ZZZ3: variants seen among roughly 807,000 people sequenced by gnomAD.
The protein encoded by ZZZ3 is zinc finger ZZ-type containing 3.
A neutral mutation model predicts 95.2 loss-of-function variants in ZZZ3; 22 were observed. The ratio of observed to expected loss-of-function variants is 0.23; its 90% CI spans 0.17 to 0.33. ZZZ3 has a LOEUF of 0.33. Ranked by LOEUF, ZZZ3 falls within the 10% of genes least tolerant of loss-of-function variation. ZZZ3 has a pLI of 1.00. For synonymous variants in ZZZ3, 335 were observed against 358.9 expected (o/e 0.93, Z 0.75); for missense variants, 885 against 1,066.5 (o/e 0.83, Z 2.37).
In ZZZ3 at chr1:77,641,443, T is replaced by C; in HGVS notation, c.-265A>G. 1 of 396,890 alleles carries C rather than the reference T, an allele frequency of 2.5e-6. No individual in the cohort carries two copies. Among genetic ancestry groups the C allele is most frequent in the Non-Finnish European group, 4.4e-6 (1 of 225,002 alleles). 24.6% of individuals were successfully genotyped at this position (396,890 alleles called of 1,614,324 possible). A position where few individuals can be genotyped will look rare whatever the true frequency, so the allele number is the denominator to read the frequency against. ...CCTGCAGTGTTTCTTAAAAGCCTGA[T>C]ACACTGAAAAAGAAACTTCAATCAA... On this transcript the variant is annotated 5_prime_UTR_variant, in exon 3 of 15. Coordinates refer to ENST00000370801, the MANE Select transcript of ZZZ3 (RefSeq NM_015534.6).
At chr1:77,630,843 C>T (rs1667739766) in intron 5 of ZZZ3, among the ~76,000 whole-genome samples, 1 of 152,264 alleles carries the variant, frequency 6.6e-6, no homozygotes, top group South Asian at 2.1e-4. Context: ...TTTGATCTGA[C>T]ACATACCAGG....
chr1:77,682,924 T>G (rs1044404976), upstream of ZZZ3, among the ~76,000 whole-genome samples: 5 of 152,318 alleles, frequency 3.3e-5, no homozygotes, highest in Admixed American at 2.0e-4. Context: ...CAGAGCGCAG[T>G]GCGCTGCCCC....
chr1:77,574,220 AAAAC>A (rs963403402), intron 12 of ZZZ3, among the ~76,000 whole-genome samples: 56 of 149,972 alleles, frequency 3.7e-4, no homozygotes, highest in African/African-American at 1.2e-3. Flanking sequence ...AAAGAACTGA[AAAAC>A]AAACTGTTTT....
chr1:77,634,042 C>A (rs747871505), intron 4 of ZZZ3, among the ~76,000 whole-genome samples: 1 of 151,794 alleles, frequency 6.6e-6, no homozygotes, highest in Non-Finnish European at 1.5e-5. Flanking sequence ...TGGTGGCACA[C>A]GCCTGTAATC....
At chr1:77,604,437 GATA>G (rs1217947032) in intron 5 of ZZZ3, among the ~76,000 whole-genome samples, 2 of 152,158 alleles carry the variant, frequency 1.3e-5, no homozygotes, top group African/African-American at 4.8e-5. Context: ...AAGGTACAAA[GATA>G]ATATATAATT....
At position 77,615,228 on chromosome 1, in the gene ZZZ3, T is replaced by C. The variant is rs536020489; in HGVS notation, c.1505+16622A>G. On this transcript the variant is annotated intron_variant, in intron 5 of 14. Coordinates refer to ENST00000370801, the MANE Select transcript of ZZZ3 (RefSeq NM_015534.6). ...CATTCGAATTTCAACAGATGCAGAA[T>C]TACAAAATATAATCAAAGAAGGTTA... Among the ~76,000 whole-genome samples the C allele has an allele frequency of 2.0e-5, 3 of 152,318 alleles. No individual in the cohort carries two copies. In the South Asian group the frequency reaches 6.2e-4, roughly 32 times the overall value.
chr1:77,673,281 AAGG>A (rs781122289), intron 1 of ZZZ3, among the ~76,000 whole-genome samples: 7 of 152,116 alleles, frequency 4.6e-5, no homozygotes, highest in Non-Finnish European at 7.4e-5. Context: ...GAAAATACAA[AAGG>A]AGAACTCCTG....
At chr1:77,625,989 C>A (rs1570545121) in intron 5 of ZZZ3, among the ~76,000 whole-genome samples, 1 of 150,472 alleles carries the variant, frequency 6.6e-6, no homozygotes, top group Admixed American at 6.6e-5. Context: ...AGAGTGAGAC[C>A]CTGTCTCAAA....
chr1:77,680,170 A>G (rs1419868841), intron 1 of ZZZ3, among the ~76,000 whole-genome samples: 2 of 152,254 alleles, frequency 1.3e-5, no homozygotes, highest in African/African-American at 4.8e-5. Flanking sequence ...AGAATTCACA[A>G]GGTTTCAATT....
At chr1:77,675,061 A>C (rs1353410490) in intron 1 of ZZZ3, among the ~76,000 whole-genome samples, 2 of 152,124 alleles carry the variant, frequency 1.3e-5, no homozygotes, top group African/African-American at 4.8e-5. Flanking sequence ...TGGAGAGTTA[A>C]TATAGAGAAG....
intron 5 of ZZZ3, among the ~76,000 whole-genome samples, chr1:77,624,193 T>C (rs1286792750): frequency 1.3e-5 from 2 of 152,150 alleles, no homozygotes; most frequent in South Asian, 2.1e-4. Flanking sequence ...TAGTTGGTCT[T>C]TGATCCCAGT....
At chr1:77,615,922 GC>G (rs919914406) in intron 5 of ZZZ3, among the ~76,000 whole-genome samples, 2 of 151,416 alleles carry the variant, frequency 1.3e-5, no homozygotes, top group African/African-American at 4.9e-5. Flanking sequence ...GTGTCAAAGG[GC>G]CCCCCCACCA....
chr1:77,591,658 C>G (rs547926829), intron 5 of ZZZ3, among the ~76,000 whole-genome samples: 12 of 152,126 alleles, frequency 7.9e-5, no homozygotes, highest in Non-Finnish European at 1.8e-4. Flanking sequence ...AATAAAACTC[C>G]AGAAGTCAAT....
At chr1:77,631,738 A>G (rs1441956330) in intron 5 of ZZZ3, 112 bp downstream of exon 5, 1 of 910,646 alleles carries the variant, frequency 1.1e-6, no homozygotes, top group African/African-American at 1.7e-5. Flanking sequence ...TAAACCTAAA[A>G]TTTTAGTGAA....
At chr1:77,590,145 G>A (rs981101604) in intron 5 of ZZZ3, among the ~76,000 whole-genome samples, 3 of 152,240 alleles carry the variant, frequency 2.0e-5, no homozygotes, top group Non-Finnish European at 4.4e-5. Flanking sequence ...GGCCAAGGCA[G>A]GCGGATCACC....
At chr1:77,671,930 G>A (rs538743633) in intron 1 of ZZZ3, among the ~76,000 whole-genome samples, 1 of 152,218 alleles carries the variant, frequency 6.6e-6, no homozygotes, top group African/African-American at 2.4e-5. Context: ...TGATAACTGA[G>A]ATGGCTATTA....
At chr1:77,613,576 T>C (rs1266689336) in intron 5 of ZZZ3, among the ~76,000 whole-genome samples, 2 of 152,062 alleles carry the variant, frequency 1.3e-5, no homozygotes, top group Non-Finnish European at 2.9e-5. Flanking sequence ...AAATGTCTCC[T>C]CTCTAGTGTT....
Position 77,641,651 on chromosome 1 carries a change from G to T in ZZZ3, c.-398C>A, listed in dbSNP as rs568432572. The stretch of plus-strand genomic sequence containing the variant: ...TTATATGGTTGTACTAGAATAACTT[G>T]ATATCTGTGAAGAGAAACCATAATA... On this transcript the variant is annotated 5_prime_UTR_variant, in exon 2 of 15. Transcript: ENST00000370801. 11 of 397,840 alleles carry T rather than the reference G, an allele frequency of 2.8e-5. No homozygotes were observed. In the South Asian group the frequency reaches 1.4e-3, roughly 51 times the overall value. The allele number at this position is 397,840 out of a possible 1,614,324, so 24.6% of individuals were successfully genotyped here.
At chr1:77,580,447 C>A (rs968573239) in intron 9 of ZZZ3, 2 of 152,194 alleles carry the variant, frequency 1.3e-5, no homozygotes, top group Non-Finnish European at 2.9e-5. Flanking sequence ...TTATTCTATC[C>A]ACTTCTACTC....
Sources: gnomAD v4.1 joint callset for allele counts (sites outside exome capture counted in the v4.1 genomes callset) on GRCh38, gnomAD v4.1.1 for gene constraint, MANE v1.5 for transcripts, NCBI Gene and HGNC (gene_info 2026-07-23, HGNC 2026-07-21) for gene names.